CSMD1: variants seen among roughly 807,000 people sequenced by gnomAD.
CSMD1 encodes the protein CUB and Sushi multiple domains 1.
A neutral mutation model predicts 417.5 loss-of-function variants in CSMD1; 213 were observed. That is an observed-to-expected ratio of 0.51 (90% CI 0.46 to 0.57). The LOEUF is 0.57. Among genes scored for constraint, CSMD1 ranks in the 20% least tolerant of loss-of-function variants. CSMD1 has a pLI of 0.00. For missense variants in CSMD1, 6,923 were observed against 4,529.7 expected (o/e 1.53, Z -15.17); for synonymous variants, 2,862 against 1,736.8 (o/e 1.65, Z -16.11).
chr8:3,202,526 T>C (rs1466836929), intron 31 of CSMD1, among the ~76,000 whole-genome samples: 1 of 152,232 alleles, frequency 6.6e-6, no homozygotes, highest in Non-Finnish European at 1.5e-5. Flanking sequence ...AGATTGACGA[T>C]ACAGAGGGCC....
At chr8:3,077,604 T>A (rs1429212365) in intron 49 of CSMD1, among the ~76,000 whole-genome samples, 1 of 152,220 alleles carries the variant, frequency 6.6e-6, no homozygotes, top group Non-Finnish European at 1.5e-5. Flanking sequence ...GTCTCAGCTA[T>A]CTCTACCTTA....
At chr8:3,097,410 C>T (rs927333750) in intron 46 of CSMD1, among the ~76,000 whole-genome samples, 1 of 151,968 alleles carries the variant, frequency 6.6e-6, no homozygotes, top group Non-Finnish European at 1.5e-5. Flanking sequence ...AAATGTTATG[C>T]AATAAGAAAA....
intron 7 of CSMD1, among the ~76,000 whole-genome samples, chr8:3,670,567 T>TATATATATAGG (rs1798945249): frequency 4.1e-5 from 6 of 147,100 alleles, no homozygotes; most frequent in Non-Finnish European, 8.9e-5. Flanking sequence ...ATATGCGATA[T>TATATATATAGG]ATATATATGG....
chr8:4,060,799 G>C (rs1798931389), intron 3 of CSMD1, among the ~76,000 whole-genome samples: 1 of 152,106 alleles, frequency 6.6e-6, no homozygotes, highest in Non-Finnish European at 1.5e-5. Context: ...ATTAAAAAAA[G>C]GTAGGAATGG....
At chr8:3,176,799 G>A (rs767946205) in intron 37 of CSMD1, among the ~76,000 whole-genome samples, 1 of 144,458 alleles carries the variant, frequency 6.9e-6, no homozygotes, top group East Asian at 2.0e-4. Context: ...TTTTTCTTGA[G>A]ACAGGGTCTT....
At chr8:4,755,905 T>C (rs927768308) in intron 1 of CSMD1, among the ~76,000 whole-genome samples, 1 of 152,162 alleles carries the variant, frequency 6.6e-6, no homozygotes, top group Non-Finnish European at 1.5e-5. Flanking sequence ...GCCTTCAGTT[T>C]TTTCCTTTCC....
intron 3 of CSMD1, among the ~76,000 whole-genome samples, chr8:4,329,992 C>T (rs982972097): frequency 6.6e-6 from 1 of 152,094 alleles, no homozygotes; most frequent in Non-Finnish European, 1.5e-5. Context: ...AAGCAGATGC[C>T]AGCACCATGC....
intron 1 of CSMD1, among the ~76,000 whole-genome samples, chr8:4,711,633 C>T (rs908350283): frequency 1.3e-5 from 2 of 150,152 alleles, no homozygotes; most frequent in East Asian, 2.0e-4. Context: ...TTTTTGCAGT[C>T]GGAAAAGCCA....
intron 3 of CSMD1, among the ~76,000 whole-genome samples, chr8:4,319,313 G>C (rs929830905): frequency 2.6e-5 from 4 of 151,922 alleles, no homozygotes; most frequent in African/African-American, 9.7e-5. Flanking sequence ...TCTTCTAAAT[G>C]AATTAAAAAG....
chr8:3,548,260 T>G (rs756592233), intron 10 of CSMD1, among the ~76,000 whole-genome samples: 12 of 152,214 alleles, frequency 7.9e-5, no homozygotes, highest in Non-Finnish European at 1.6e-4. Flanking sequence ...CCTCACTCTC[T>G]GTAGCCCTTG....
chr8:4,507,274 A>G (rs1425202190), intron 2 of CSMD1, among the ~76,000 whole-genome samples: 1 of 152,192 alleles, frequency 6.6e-6, no homozygotes, highest in East Asian at 1.9e-4. Flanking sequence ...TTCTCTAAAA[A>G]CTATTTTCAT....
chr8:3,498,915 G>T (rs1336910392), intron 10 of CSMD1, among the ~76,000 whole-genome samples: 1 of 151,736 alleles, frequency 6.6e-6, no homozygotes, highest in Non-Finnish European at 1.5e-5. Flanking sequence ...TTTTTGAATT[G>T]TCTATTTTTA....
intron 2 of CSMD1, among the ~76,000 whole-genome samples, chr8:4,562,669 C>A (rs1416123397): frequency 1.3e-5 from 2 of 152,060 alleles, no homozygotes; most frequent in Non-Finnish European, 2.9e-5. Flanking sequence ...AACTCAAGAG[C>A]AAGTCACGCC....
chr8:4,136,268 C>G (rs528738684), intron 3 of CSMD1, among the ~76,000 whole-genome samples: 23 of 152,300 alleles, frequency 1.5e-4, no homozygotes, highest in African/African-American at 5.5e-4. Context: ...AACTTGAACA[C>G]AGTCAGGAAC....
chr8:3,190,191 A>C, intron 33 of CSMD1, 76 bp from the exon 34 acceptor site: 1 of 1,098,498 alleles, frequency 9.1e-7, no homozygotes, highest in Non-Finnish European at 1.3e-6. Context: ...CGTGGGTTTA[A>C]GATGGGACCA....
chr8:3,574,878 G>A, intron 10 of CSMD1, 67 bp downstream of exon 10: 2 of 1,528,644 alleles, frequency 1.3e-6, no homozygotes, highest in Non-Finnish European at 1.8e-6. Context: ...TGGGCTGTTT[G>A]CTTCAACAAT....
intron 7 of CSMD1, among the ~76,000 whole-genome samples, chr8:3,667,264 T>A (rs1390300002): frequency 6.6e-6 from 1 of 152,178 alleles, no homozygotes; most frequent in Non-Finnish European, 1.5e-5. Context: ...TAATAGGTTT[T>A]ATGATATGTC....
chr8:4,820,721 A>C (rs1563492935), intron 1 of CSMD1, among the ~76,000 whole-genome samples: 1 of 152,186 alleles, frequency 6.6e-6, no homozygotes, highest in Non-Finnish European at 1.5e-5. Flanking sequence ...TCATGGACTA[A>C]TAAGGATCTA....
chr8:4,832,204 G>C (rs1469131377), intron 1 of CSMD1, among the ~76,000 whole-genome samples: 3 of 152,266 alleles, frequency 2.0e-5, no homozygotes, highest in East Asian at 1.9e-4. Flanking sequence ...GAGTGTGGGA[G>C]GGTTTGGGAG....
Sources: allele counts gnomAD v4.1 joint callset (sites outside exome capture counted in the v4.1 genomes callset), GRCh38; gene constraint gnomAD v4.1.1; transcripts MANE v1.5; gene names NCBI Gene and HGNC (gene_info 2026-07-23, HGNC 2026-07-21).